The following PHF14 variants were observed in gnomAD, a reference collection of about 807,000 sequenced individuals.
PHF14 encodes PHD finger protein 14.
PHF14 carries 55 observed loss-of-function variants against 117.9 expected under a neutral mutation model. The ratio of observed to expected loss-of-function variants is 0.47; its 90% confidence interval spans 0.38 to 0.58. The LOEUF (loss-of-function observed/expected upper bound fraction) is 0.58. Ranked by LOEUF, PHF14 falls within the 20% of genes least tolerant of loss-of-function variation. The probability of loss-of-function intolerance (pLI) is 0.00; values close to 1 mark genes in which losing one functional copy is unlikely to be tolerated. For missense variants in PHF14, 978 were observed against 1,122.2 expected (o/e 0.87, Z 1.84); for synonymous variants, 409 against 368.6 (o/e 1.11, Z -1.26).
intron 2 of PHF14, among the ~76,000 whole-genome samples, chr7:10,979,621 G>T (rs1583323011): frequency 6.8e-6 from 1 of 146,574 alleles, no homozygotes; most frequent in African/African-American, 2.5e-5. Context: ...TGTCTTTGCA[G>T]CCTATGGAAA....
At chr7:11,168,084 A>G (rs1431623064) in intron 17 of PHF14, among the ~76,000 whole-genome samples, 2 of 152,078 alleles carry the variant, frequency 1.3e-5, no homozygotes, top group African/African-American at 2.4e-5. Flanking sequence ...ACACATGTTC[A>G]TTAATAAATT....
At chr7:11,036,897 T>C in intron 9 of PHF14, 88 bp from the exon 10 acceptor site, 1 of 1,003,426 alleles carries the variant, frequency 1.0e-6, no homozygotes, top group Non-Finnish European at 1.5e-6. Context: ...TATGTAGGTT[T>C]ATCAATGTGA....
chr7:11,047,941 G>C (rs1784730103), intron 13 of PHF14, among the ~76,000 whole-genome samples: 1 of 111,148 alleles, frequency 9.0e-6, no homozygotes, highest in Non-Finnish European at 1.8e-5. Flanking sequence ...GAGGGGGAGG[G>C]AGAGGGAGGG....
At chr7:11,000,557 T>C (rs1347065945) in intron 4 of PHF14, among the ~76,000 whole-genome samples, 1 of 152,154 alleles carries the variant, frequency 6.6e-6, no homozygotes. Context: ...CAGGCTGGTC[T>C]CAAACTCCAG....
At chr7:10,996,459 G>T (rs1359733040) in intron 4 of PHF14, among the ~76,000 whole-genome samples, 1 of 151,844 alleles carries the variant, frequency 6.6e-6, no homozygotes. Flanking sequence ...AGGACCATGG[G>T]TGATGACCCA....
intron 17 of PHF14, among the ~76,000 whole-genome samples, chr7:11,122,331 T>TTATATATATA (rs146463909): frequency 7.1e-4 from 60 of 84,034 alleles, no homozygotes; most frequent in African/African-American, 2.4e-3. Context: ...TTTGTACTTT[T>TTATATATATA]TATATATATA....
intron 4 of PHF14, among the ~76,000 whole-genome samples, chr7:11,008,113 TAGTGTACTTACCAGC>T (rs1199194309): frequency 1.3e-5 from 2 of 152,322 alleles, no homozygotes; most frequent in East Asian, 3.9e-4. Flanking sequence ...AGAAGTTAGG[TAGTGTACTTACCAGC>T]AGTTGCCCTC....
At chr7:11,097,687 C>A (rs953820211) in intron 16 of PHF14, among the ~76,000 whole-genome samples, 1 of 152,228 alleles carries the variant, frequency 6.6e-6, no homozygotes, top group Non-Finnish European at 1.5e-5. Flanking sequence ...CAGTCCTCAT[C>A]TGAAAGTTTG....
chr7:11,010,074 T>G (rs1783289763), intron 4 of PHF14, among the ~76,000 whole-genome samples: 1 of 152,210 alleles, frequency 6.6e-6, no homozygotes, highest in Non-Finnish European at 1.5e-5. Context: ...ATTCTCTTGG[T>G]AATTGCCTAC....
Position 11,116,841 on chromosome 7 carries a change from G to A in PHF14, c.2772+5374G>A, listed in dbSNP as rs143929948. 1.4e-4 allele frequency among the ~76,000 whole-genome samples: 21 copies of A among 151,748 alleles called. No individual in the cohort carries two copies. In the East Asian group the frequency reaches 4.1e-3, roughly 29 times the overall value. ...TTTTGAAGCTAAAAATTAACTTTTT[G>A]GAATTTTAAATTTTAAAACAATGTG... On this transcript the variant is annotated intron_variant, in intron 17 of 17. Transcript: ENST00000634607.
intron 4 of PHF14, among the ~76,000 whole-genome samples, chr7:11,000,850 A>C (rs1782844715): frequency 6.6e-6 from 1 of 152,120 alleles, no homozygotes; most frequent in Non-Finnish European, 1.5e-5. Context: ...CACAGAGCAG[A>C]AGTTTTACAT....
rs577757079 is a variant in PHF14 at position 11,105,559 on chromosome 7, C to A, written c.2655-5791C>A. ...AAAAATTTAAAAATGGCAATTGAAACTTGTTTAAGAGACTCAACTTGGAGT... is the reference window on the plus strand; with the variant it reads ...AAAAATTTAAAAATGGCAATTGAAAATTGTTTAAGAGACTCAACTTGGAGT... On this transcript the variant is annotated intron_variant, in intron 16 of 17. Transcript: ENST00000634607. 1.3e-3 allele frequency: 1,232 copies of A among 982,110 alleles called. 1 individual carries two copies. The highest frequency in any genetic ancestry group is 1.4e-3 in the Non-Finnish European group (1,172 of 827,134). 60.8% of individuals were successfully genotyped at this position (982,110 alleles called of 1,614,324 possible). A position where few individuals can be genotyped will look rare whatever the true frequency, so the allele number is the denominator to read the frequency against.
intron 14 of PHF14, among the ~76,000 whole-genome samples, chr7:11,058,320 C>T (rs2128328495): frequency 6.6e-6 from 1 of 152,148 alleles, no homozygotes. Flanking sequence ...AAGTACACTA[C>T]TTTCAAGATA....
At chr7:11,090,254 G>A (rs981915738) in intron 16 of PHF14, among the ~76,000 whole-genome samples, 16 of 152,348 alleles carry the variant, frequency 1.1e-4, no homozygotes, top group Admixed American at 2.0e-4. Context: ...AAGAGGAGGA[G>A]AAGTTCTGCT....
At chr7:11,015,935 A>G (rs1249571118) in intron 5 of PHF14, among the ~76,000 whole-genome samples, 1 of 152,014 alleles carries the variant, frequency 6.6e-6, no homozygotes, top group East Asian at 1.9e-4. Flanking sequence ...CTTTTAGGGA[A>G]GAGAATTTAT....
chr7:11,023,743 G>A (rs929578996), intron 6 of PHF14, among the ~76,000 whole-genome samples: 1 of 152,118 alleles, frequency 6.6e-6, no homozygotes, highest in East Asian at 1.9e-4. Flanking sequence ...CAGGAGAATC[G>A]CTTGAACCCA....
intron 16 of PHF14, chr7:11,107,688 ATC>A (rs758041502): frequency 1.5e-5 from 10 of 668,142 alleles, no homozygotes; most frequent in Non-Finnish European, 1.8e-5. Context: ...TCGTATAATA[ATC>A]TGTTTTTATT....
At chr7:10,974,425 A>G (rs560943834) in intron 1 of PHF14, 101 bp downstream of exon 1, 2 of 1,007,588 alleles carry the variant, frequency 2.0e-6, no homozygotes, top group Admixed American at 4.0e-5. Flanking sequence ...CCTGCGGGAA[A>G]GCAGGATTGG....
intron 4 of PHF14, chr7:11,006,744 G>A: frequency 2.9e-6 from 2 of 689,190 alleles, no homozygotes; most frequent in South Asian, 1.4e-5. Context: ...GAAGGTGGGT[G>A]ACATGCGGAT....
Sources: allele counts gnomAD v4.1 joint callset (sites outside exome capture counted in the v4.1 genomes callset), GRCh38; gene constraint gnomAD v4.1.1; transcripts MANE v1.5; gene names NCBI Gene and HGNC (gene_info 2026-07-23, HGNC 2026-07-21).